The following RGS7 variants were observed in gnomAD, a reference collection of about 807,000 sequenced individuals.
RGS7 encodes the protein regulator of G-protein signaling 7.
Under a neutral mutation model 81.1 loss-of-function variants are expected in RGS7, and 27 were observed. That is an observed-to-expected ratio of 0.33 (90% CI 0.25 to 0.46). The LOEUF (loss-of-function observed/expected upper bound fraction) is 0.46, where lower values mean the gene tolerates loss of function less well. Among genes scored for constraint, RGS7 ranks in the 20% least tolerant of loss-of-function variants. The probability of loss-of-function intolerance (pLI) is 1.00; values close to 1 mark genes in which losing one functional copy is unlikely to be tolerated. For missense variants in RGS7, 396 were observed against 607.4 expected (o/e 0.65, Z 3.66); for synonymous variants, 208 against 207.7 (o/e 1.00, Z -0.01).
At chr1:241,321,522 A>G (rs1179810428) in intron 2 of RGS7, among the ~76,000 whole-genome samples, 1 of 152,210 alleles carries the variant, frequency 6.6e-6, no homozygotes, top group Non-Finnish European at 1.5e-5. Context: ...ATCTTCATGC[A>G]GATTAAAAGA....
At chr1:240,863,585 G>A (rs1052180383) in intron 9 of RGS7, among the ~76,000 whole-genome samples, 1 of 152,152 alleles carries the variant, frequency 6.6e-6, no homozygotes, top group African/African-American at 2.4e-5. Context: ...GGACTTATCA[G>A]GCAGCCCTGT....
intron 3 of RGS7, among the ~76,000 whole-genome samples, chr1:241,042,983 C>T (rs2060705254): frequency 1.3e-5 from 2 of 151,658 alleles, no homozygotes; most frequent in South Asian, 4.2e-4. Context: ...GATTATGTCC[C>T]TTTATCCTAG....
intron 2 of RGS7, among the ~76,000 whole-genome samples, chr1:241,293,894 G>C (rs2079234401): frequency 6.6e-6 from 1 of 152,118 alleles, no homozygotes; most frequent in Non-Finnish European, 1.5e-5. Context: ...GATTCCTCAA[G>C]GATCTAGAAC....
chr1:240,961,084 A>G lies in RGS7; in HGVS notation c.226+21995T>C, dbSNP rs139506972. Among the ~76,000 whole-genome samples, 245 of 152,330 alleles carry G rather than the reference A, an allele frequency of 1.6e-3. 4 individuals are homozygous for G. The East Asian group carries it at 0.041, about 25-fold the overall frequency. Reference sequence around the variant, plus strand: ...ATGAATAAGACAGCTAATTATTTGGATCATTTAGTTATTGATTAAAATGGT... The same window carrying G: ...ATGAATAAGACAGCTAATTATTTGGGTCATTTAGTTATTGATTAAAATGGT... On this transcript the variant is annotated intron_variant, in intron 4 of 18. Coordinates refer to ENST00000440928, the MANE Select transcript of RGS7 (RefSeq NM_001364886.1).
rs147638112 is a variant in RGS7, at chr1:241,144,308, C to T, written c.79-45546G>A. 3.5e-4 allele frequency among the ~76,000 whole-genome samples: 53 copies of T among 152,246 alleles called. No homozygotes were observed. The highest frequency in any genetic ancestry group is 2.1e-3 in the East Asian group (11 of 5,176). ...GTTTATACCAAACTTTTCCTGCAAA[C>T]GCATCCATCACACACACATGTGGAT... is the stretch of plus-strand genomic sequence containing the variant. On this transcript the variant is annotated intron_variant, in intron 2 of 18. Coordinates refer to ENST00000440928, the MANE Select transcript of RGS7 (RefSeq NM_001364886.1). This position sits in a 1 kb window ranked among gnomAD's most constrained non-coding sequence, Gnocchi z 4.7.
intron 9 of RGS7, among the ~76,000 whole-genome samples, chr1:240,852,408 T>C (rs1660276197): frequency 6.6e-6 from 1 of 152,234 alleles, no homozygotes; most frequent in Admixed American, 6.5e-5. Flanking sequence ...TTATATGCAC[T>C]AGGAAACCAA....
At chr1:240,982,293 G>A (rs534919039) in intron 4 of RGS7, among the ~76,000 whole-genome samples, 74 of 151,878 alleles carry the variant, frequency 4.9e-4, no homozygotes, top group African/African-American at 1.7e-3. Flanking sequence ...GTGGTGGCAC[G>A]CGCCCATAAT....
chr1:241,115,516 T>C (rs1194986594), intron 2 of RGS7, among the ~76,000 whole-genome samples: 1 of 152,188 alleles, frequency 6.6e-6, no homozygotes, highest in Non-Finnish European at 1.5e-5. Flanking sequence ...AACTGAACAC[T>C]AAGAATTCTC....
intron 6 of RGS7, among the ~76,000 whole-genome samples, chr1:240,924,746 T>C (rs1016971600): frequency 6.6e-6 from 1 of 152,170 alleles, no homozygotes; most frequent in African/African-American, 2.4e-5. Context: ...AAATGTAATA[T>C]TAATTGTATT....
At chr1:241,015,490 C>A (rs2059173052) in intron 3 of RGS7, among the ~76,000 whole-genome samples, 2 of 152,094 alleles carry the variant, frequency 1.3e-5, no homozygotes, top group African/African-American at 4.8e-5. Flanking sequence ...AACCTATTGA[C>A]CATTATAGCT....
At chr1:240,802,416 G>A (rs1208366597) in intron 16 of RGS7, among the ~76,000 whole-genome samples, 1 of 152,076 alleles carries the variant, frequency 6.6e-6, no homozygotes, top group African/African-American at 2.4e-5. Flanking sequence ...AAGTGATTCA[G>A]GATAAATGCC....
chr1:241,048,054 A>G (rs2061037517), intron 3 of RGS7, among the ~76,000 whole-genome samples: 1 of 151,828 alleles, frequency 6.6e-6, no homozygotes, highest in South Asian at 2.1e-4. Flanking sequence ...TACAATTCTT[A>G]ATTGCCTGTC....
intron 6 of RGS7, among the ~76,000 whole-genome samples, chr1:240,901,892 T>C (rs1285603575): frequency 2.0e-5 from 3 of 152,240 alleles, no homozygotes; most frequent in African/African-American, 4.8e-5. Flanking sequence ...CATCTAGTTA[T>C]ATATTTTCTC....
chr1:240,863,196 G>A (rs890208708), intron 9 of RGS7, among the ~76,000 whole-genome samples: 5 of 152,204 alleles, frequency 3.3e-5, no homozygotes, highest in Non-Finnish European at 7.4e-5. Flanking sequence ...ATTTTAGGCC[G>A]GGCACGGTGG....
intron 2 of RGS7, among the ~76,000 whole-genome samples, chr1:241,216,126 G>T (rs1304424804): frequency 6.6e-6 from 1 of 152,044 alleles, no homozygotes. Context: ...AAAAAACGTA[G>T]CCGGGCGTGG....
intron 3 of RGS7, among the ~76,000 whole-genome samples, chr1:241,042,353 A>G (rs986045260): frequency 6.6e-6 from 1 of 152,150 alleles, no homozygotes; most frequent in Non-Finnish European, 1.5e-5. Context: ...CCCAAGGTCA[A>G]TCTTTCTGGG....
intron 3 of RGS7, among the ~76,000 whole-genome samples, chr1:241,052,880 C>T (rs1478136271): frequency 6.6e-6 from 1 of 151,954 alleles, no homozygotes; most frequent in African/African-American, 2.4e-5. Flanking sequence ...CCAATCATGT[C>T]ATCCGTGTGC....
chr1:241,277,938 G>T (rs1400432659), intron 2 of RGS7, among the ~76,000 whole-genome samples: 4 of 152,196 alleles, frequency 2.6e-5, no homozygotes, highest in African/African-American at 9.6e-5. Context: ...TTTGTTATTT[G>T]ATTCTCTTCT....
Position 240,871,359 on chromosome 1 carries a change from G to A in RGS7, c.386-1240C>T, listed in dbSNP as rs144180908. Among the ~76,000 whole-genome samples the A allele has an allele frequency of 1.8e-3, 276 of 152,222 alleles. 1 individual carries two copies. Among genetic ancestry groups the A allele is most frequent in the African/African-American group, 6.2e-3 (259 of 41,536 alleles). On this transcript the variant is annotated intron_variant, in intron 6 of 18. Coordinates refer to ENST00000440928, the MANE Select transcript of RGS7 (RefSeq NM_001364886.1). ...AGTTTTGGATAACGACGTCCAGCTG[G>A]TATCACTAAGGAAACACACTACACA...
Sources: gnomAD v4.1 joint callset for allele counts (sites outside exome capture counted in the v4.1 genomes callset) on GRCh38, gnomAD v4.1.1 for gene constraint, Gnocchi (gnomAD v3.1) non-coding constraint, MANE v1.5 for transcripts, NCBI Gene and HGNC (gene_info 2026-07-23, HGNC 2026-07-21) for gene names.